FCRL6: variants seen among roughly 807,000 people sequenced by gnomAD.
The protein encoded by FCRL6 is Fc receptor-like protein 6.
Under a neutral mutation model 49.1 loss-of-function variants are expected in FCRL6, and 50 were observed. That is an observed-to-expected ratio of 1.02 (90% CI 0.81 to 1.29). The LOEUF (loss-of-function observed/expected upper bound fraction) is 1.29, where lower values mean the gene tolerates loss of function less well. FCRL6 is among the 50% of genes most tolerant of loss of function. FCRL6 has a pLI of 0.00. For synonymous variants in FCRL6, 213 were observed against 199.6 expected (o/e 1.07, Z -0.57); for missense variants, 571 against 518.5 (o/e 1.10, Z -0.98).
intron 2 of FCRL6, among the ~76,000 whole-genome samples, chr1:159,806,955 T>C (rs1213421047): frequency 1.3e-5 from 2 of 152,228 alleles, no homozygotes; most frequent in East Asian, 3.8e-4. Context: ...ACTCCCTTCC[T>C]TCCTTTTATG....
chr1:159,807,797 C>T (rs1474446443), intron 2 of FCRL6, among the ~76,000 whole-genome samples: 1 of 151,034 alleles, frequency 6.6e-6, no homozygotes, highest in Non-Finnish European at 1.5e-5. Flanking sequence ...AGGAATGAGG[C>T]AAGACAATGA....
At chr1:159,803,312 T>A (rs953316233) in intron 1 of FCRL6, among the ~76,000 whole-genome samples, 6 of 152,202 alleles carry the variant, frequency 3.9e-5, no homozygotes, top group African/African-American at 1.4e-4. Flanking sequence ...CACTTTACAG[T>A]TTCCAAGTGG....
At chr1:159,800,912 G>A (rs1196321308), upstream of FCRL6, among the ~76,000 whole-genome samples, 1 of 152,202 alleles carries the variant, frequency 6.6e-6, no homozygotes, top group Non-Finnish European at 1.5e-5. Context: ...TGTAATCCCA[G>A]CTACATGGGA....
chr1:159,809,052 C>T lies in FCRL6; in HGVS notation c.411C>T (p.His137=), dbSNP rs569208608. The part of the protein sequence containing the change: ...LVTLRCQTKL[H]PLRSALRLLF... ...CCCTGAGATGTCAGACAAAGCTGCA[C>T]CCCCTGAGGTCAGCCTTGAGGCTCC... Residue 137 remains histidine, a synonymous_variant, in exon 4 of 10, where the codon CAC becomes CAT. Coordinates refer to ENST00000368106, the MANE Select transcript of FCRL6 (RefSeq NM_001004310.3). 3.2e-5 allele frequency: 51 copies of T among 1,614,080 alleles called. No individual in the cohort carries two copies. The highest frequency in any genetic ancestry group is 8.0e-5 in the African/African-American group (6 of 75,020).
chr1:159,801,296 G>A (rs1358404150), upstream of FCRL6, among the ~76,000 whole-genome samples: 1 of 152,192 alleles, frequency 6.6e-6, no homozygotes, highest in East Asian at 1.9e-4. Context: ...GAGCCATCAG[G>A]GATCCCTGTG....
intron 6 of FCRL6, 105 bp downstream of exon 6, chr1:159,810,321 G>A: frequency 7.1e-7 from 1 of 1,407,578 alleles, no homozygotes; most frequent in Admixed American, 2.4e-5. Flanking sequence ...CTCTTCTCCT[G>A]GGTGTGGAGT....
intron 1 of FCRL6, among the ~76,000 whole-genome samples, chr1:159,804,202 C>G (rs1180528811): frequency 2.0e-5 from 3 of 152,210 alleles, no homozygotes; most frequent in African/African-American, 7.2e-5. Flanking sequence ...GGCACTGCAG[C>G]CTGTTCCACA....
chr1:159,801,473 G>T (rs1319929954), upstream of FCRL6, among the ~76,000 whole-genome samples: 1 of 152,164 alleles, frequency 6.6e-6, no homozygotes, highest in East Asian at 1.9e-4. Context: ...AGTCTCAGCT[G>T]GTATCACTCC....
intron 2 of FCRL6, 124 bp downstream of exon 2, chr1:159,806,740 C>A: frequency 1.0e-6 from 1 of 980,970 alleles, no homozygotes; most frequent in Non-Finnish European, 1.6e-6. Context: ...AGACTAGGCC[C>A]CTTCCTCAGG....
intron 8 of FCRL6, 90 bp from the exon 9 acceptor site, chr1:159,815,338 A>G: frequency 7.0e-7 from 1 of 1,427,056 alleles, no homozygotes; most frequent in Non-Finnish European, 9.6e-7. Context: ...CTGGCTTTCT[A>G]GAGGAAGATA....
intron 1 of FCRL6, among the ~76,000 whole-genome samples, chr1:159,804,830 G>A (rs1186270929): frequency 1.3e-5 from 2 of 152,172 alleles, no homozygotes; most frequent in African/African-American, 4.8e-5. Context: ...CCAGTGAGGT[G>A]GGGAAGGGAA....
At chr1:159,808,492 G>A (rs1252380829) in intron 3 of FCRL6, 48 bp downstream of exon 3, 4 of 1,610,744 alleles carry the variant, frequency 2.5e-6, no homozygotes, top group African/African-American at 2.7e-5. Context: ...GCTGCTCAAG[G>A]GTCCCGTTTC....
intron 5 of FCRL6, 67 bp downstream of exon 5, chr1:159,809,750 G>A: frequency 7.1e-7 from 1 of 1,399,734 alleles, no homozygotes; most frequent in South Asian, 1.2e-5. Context: ...CTCACCCTCT[G>A]TGTACCTCCC....
intron 1 of FCRL6, among the ~76,000 whole-genome samples, chr1:159,805,986 A>G (rs148727854): frequency 6.6e-6 from 1 of 152,324 alleles, no homozygotes; most frequent in Non-Finnish European, 1.5e-5. Context: ...TGCAAAGGAA[A>G]ACATTCATGC....
chr1:159,801,466 C>G (rs1051290681), upstream of FCRL6, among the ~76,000 whole-genome samples: 1 of 152,224 alleles, frequency 6.6e-6, no homozygotes, highest in African/African-American at 2.4e-5. Context: ...CCAGCTCAGT[C>G]TCAGCTGGTA....
intron 2 of FCRL6, among the ~76,000 whole-genome samples, chr1:159,807,605 G>A (rs1281160674): frequency 3.9e-5 from 6 of 152,204 alleles, no homozygotes; most frequent in Non-Finnish European, 7.3e-5. Context: ...CTGGGCCTAA[G>A]GAAGCCCAAT....
rs373761525 is a variant in FCRL6 at position 159,809,173 on chromosome 1, T to C, written c.532T>C (p.Tyr178His). 5.6e-6 allele frequency: 9 copies of C among 1,612,660 alleles called. No individual in the cohort carries two copies. In the South Asian group the frequency reaches 8.8e-5, roughly 16 times the overall value. The change falls in exon 4 of 10, where the codon TAC becomes CAC. Residue 178 changes from tyrosine (Y) to histidine (H), a missense_variant. Coordinates refer to ENST00000368106, the MANE Select transcript of FCRL6 (RefSeq NM_001004310.3). ...AGCCAAGGAGGGAGACTCTGGGCTT[T>C]ACTGGTGTGAGGTGGCCCCTGAGGG... is the stretch of plus-strand genomic sequence containing the variant. ...PGAKEGDSGL[Y>H]WCEVAPEGGQ...
Position 159,815,550 on chromosome 1 carries a change from C to T in FCRL6, c.1194C>T (p.Ile398=). 1.9e-6 allele frequency: 3 copies of T among 1,614,222 alleles called. No homozygotes were observed. The highest frequency in any genetic ancestry group is 1.1e-5 in the South Asian group (1 of 91,088). The stretch of plus-strand genomic sequence containing the variant: ...CTCTTCCACAGGACAGTTCTATCAT[C>T]TGTGCGGAGGTGAGATGCCTGCAGC... ...FTVGRKDSSI[I]CAEVRCLQPS... The change falls in exon 10 of 10, where the codon ATC becomes ATT. Residue 398 remains isoleucine, a synonymous_variant. Transcript: ENST00000368106.
At chr1:159,809,890 G>C (rs1384177219) in intron 5 of FCRL6, among the ~76,000 whole-genome samples, 1 of 152,072 alleles carries the variant, frequency 6.6e-6, no homozygotes, top group East Asian at 1.9e-4. Context: ...AGCCTCACGG[G>C]GGGAGCAGTC....
Sources: allele counts gnomAD v4.1 joint callset (sites outside exome capture counted in the v4.1 genomes callset), GRCh38; gene constraint gnomAD v4.1.1; transcripts MANE v1.5; gene names NCBI Gene and HGNC (gene_info 2026-07-23, HGNC 2026-07-21).